Variants in TIAM1 observed in about 807,000 individuals in gnomAD.
TIAM1 encodes rho guanine nucleotide exchange factor TIAM1.
In TIAM1, 65 loss-of-function variants were observed where a neutral mutation model predicts 163.5. The ratio of observed to expected loss-of-function variants is 0.40; its 90% CI spans 0.33 to 0.49. The LOEUF (loss-of-function observed/expected upper bound fraction) is 0.49. TIAM1 is among the 20% of genes least tolerant of loss of function. The probability of loss-of-function intolerance (pLI) is 0.77; values close to 1 mark genes in which losing one functional copy is unlikely to be tolerated. For synonymous variants in TIAM1, 833 were observed against 810.1 expected, an observed-to-expected ratio of 1.03 and a Z score of -0.48; for missense variants, 1,789 against 2,044.7, an observed-to-expected ratio of 0.87 and a Z score of 2.41.
intron 12 of TIAM1, among the ~76,000 whole-genome samples, chr21:31,198,091 G>A (rs567634912): frequency 6.6e-6 from 1 of 152,286 alleles, no homozygotes; most frequent in South Asian, 2.1e-4. Flanking sequence ...AACCAATTTT[G>A]AGCCAAGGTC....
chr21:31,316,375 G>C (rs570028507), intron 2 of TIAM1, among the ~76,000 whole-genome samples: 1 of 152,290 alleles, frequency 6.6e-6, no homozygotes, highest in Admixed American at 6.5e-5. Context: ...TATACCGATT[G>C]AGACAATGGT....
chr21:31,406,718 AG>A, intron 2 of TIAM1, among the ~76,000 whole-genome samples: 1 of 152,198 alleles, frequency 6.6e-6, no homozygotes, highest in Non-Finnish European at 1.5e-5. Flanking sequence ...CCCTGTAGGT[AG>A]AACTTACGAG....
At chr21:31,174,025 C>T (rs1329181715) in intron 15 of TIAM1, among the ~76,000 whole-genome samples, 8 of 152,170 alleles carry the variant, frequency 5.3e-5, no homozygotes, top group South Asian at 2.1e-4. Context: ...CAAATGTTAT[C>T]GACAAACAAA....
At chr21:31,427,215 A>T (rs550822928) in intron 2 of TIAM1, among the ~76,000 whole-genome samples, 2 of 152,230 alleles carry the variant, frequency 1.3e-5, no homozygotes, top group African/African-American at 4.8e-5. Flanking sequence ...GACCGGGCAC[A>T]GTGGCTCACA....
chr21:31,245,428 G>C (rs1301864122), intron 6 of TIAM1, 60 bp downstream of exon 6: 8 of 843,538 alleles, frequency 9.5e-6, no homozygotes, highest in Non-Finnish European at 1.3e-5. Context: ...GCCTAGGCAA[G>C]AAAAGAAGGT....
chr21:31,443,108 G>GT (rs2044495494), intron 2 of TIAM1, among the ~76,000 whole-genome samples: 1 of 152,216 alleles, frequency 6.6e-6, no homozygotes, highest in African/African-American at 2.4e-5. Flanking sequence ...GGACTGTGGA[G>GT]TTTCATTTTA....
chr21:31,120,346 C>A lies in TIAM1; in HGVS notation c.*22G>T. 1 of 1,579,464 alleles carries A rather than the reference C, an allele frequency of 6.3e-7. No individual in the cohort carries two copies. Among genetic ancestry groups the A allele is most frequent in the Non-Finnish European group, 8.6e-7 (1 of 1,161,782 alleles). ...AGGGCAGGAAGTATCTACACACATT[C>A]TCTACGGGGCAGGTGACGCAGTCAG... On this transcript the variant is annotated 3_prime_UTR_variant, in exon 28 of 28. Coordinates refer to ENST00000541036, the MANE Select transcript of TIAM1 (RefSeq NM_001353694.2). This position sits in a 1 kb window ranked among gnomAD's most constrained non-coding sequence, Gnocchi z 4.2.
At chr21:31,185,563 A>T (rs1197770787) in intron 14 of TIAM1, among the ~76,000 whole-genome samples, 1 of 131,038 alleles carries the variant, frequency 7.6e-6, no homozygotes, top group Non-Finnish European at 1.5e-5. Flanking sequence ...ATATTAATAT[A>T]ATATATTATA....
At chr21:31,218,568 C>CAAA (rs112539898) in intron 8 of TIAM1, among the ~76,000 whole-genome samples, 3 of 138,928 alleles carry the variant, frequency 2.2e-5, no homozygotes, top group African/African-American at 7.7e-5. Context: ...GACTCTTTCT[C>CAAA]AAAAAAAAAA....
intron 1 of TIAM1, among the ~76,000 whole-genome samples, chr21:31,494,958 C>G (rs1411568518): frequency 6.6e-6 from 1 of 152,148 alleles, no homozygotes; most frequent in African/African-American, 2.4e-5. Context: ...CAAGGATGTC[C>G]TCATTCTTCA....
intron 13 of TIAM1, among the ~76,000 whole-genome samples, chr21:31,194,842 T>C (rs769060417): frequency 2.6e-5 from 4 of 152,242 alleles, no homozygotes; most frequent in African/African-American, 4.8e-5. Context: ...ATCACTGTTC[T>C]GCCACTGCCC....
rs5030999 is a variant in TIAM1 at position 31,256,588 on chromosome 21, T to TACACACACACACACACACACACAC, written c.964-4423_964-4400dup. ...CCCCAAAATATTAAGTACCCCTCAC[T>TACACACACACACACACACACACAC]ACACACACACACACACACACACACA... On this transcript the variant is annotated intron_variant, in intron 4 of 27. Coordinates refer to ENST00000541036, the MANE Select transcript of TIAM1 (RefSeq NM_001353694.2). 4.7e-5 allele frequency among the ~76,000 whole-genome samples: 6 copies of TACACACACACACACACACACACAC among 128,162 alleles called. 1 individual carries two copies. Among genetic ancestry groups the TACACACACACACACACACACACAC allele is most frequent in the African/African-American group, 1.2e-4 (4 of 33,908 alleles). The allele number at this position is 128,162 out of a possible 152,430, so 84.1% of individuals were successfully genotyped here.
chr21:31,220,608 A>G (rs1157045297), intron 8 of TIAM1, among the ~76,000 whole-genome samples: 1 of 152,262 alleles, frequency 6.6e-6, no homozygotes, highest in Non-Finnish European at 1.5e-5. Flanking sequence ...TCAGCTGACT[A>G]GTTAGTTTAG....
In TIAM1 at chr21:31,222,698, TA is replaced by T. The variant is rs1569056331; in HGVS notation, c.1995+707del. On this transcript the variant is annotated intron_variant, in intron 8 of 27. Coordinates refer to ENST00000541036, the MANE Select transcript of TIAM1 (RefSeq NM_001353694.2). ...ATACATATATATATATATATATATA[TA>T]TATATATATTTTTTTTTTTTTTTTT... 3.1e-3 allele frequency among the ~76,000 whole-genome samples: 127 copies of T among 41,460 alleles called. 1 individual carries two copies. Among genetic ancestry groups the T allele is most frequent in the African/African-American group, 8.3e-3 (57 of 6,860 alleles). 27.2% of individuals were successfully genotyped at this position (41,460 alleles called of 152,430 possible).
chr21:31,245,827 C>A lies in TIAM1; in HGVS notation c.1412-167G>T, dbSNP rs193037504. ...GGCTTGGACTCAAGTCTTGGATGGG[C>A]CTAAAGAAGGACAAAGATCTTAAAT... On this transcript the variant is annotated intron_variant, in intron 5 of 27. Coordinates refer to ENST00000541036, the MANE Select transcript of TIAM1 (RefSeq NM_001353694.2). 2.1e-4 allele frequency among the ~76,000 whole-genome samples: 32 copies of A among 152,226 alleles called. No individual in the cohort carries two copies. The East Asian group carries it at 5.8e-3, about 28-fold the overall frequency.
intron 3 of TIAM1, among the ~76,000 whole-genome samples, chr21:31,270,288 ACAT>A (rs1301766476): frequency 1.3e-5 from 2 of 152,206 alleles, no homozygotes; most frequent in African/African-American, 4.8e-5. Context: ...CACCTCACTA[ACAT>A]CATCACACAG....
intron 1 of TIAM1, among the ~76,000 whole-genome samples, chr21:31,490,349 G>C (rs1404653505): frequency 6.6e-6 from 1 of 152,154 alleles, no homozygotes; most frequent in Non-Finnish European, 1.5e-5. Context: ...CAAAAATGCA[G>C]AGATTCAAAA....
intron 2 of TIAM1, among the ~76,000 whole-genome samples, chr21:31,355,622 G>A (rs1189031468): frequency 6.6e-6 from 1 of 151,826 alleles, no homozygotes; most frequent in Non-Finnish European, 1.5e-5. Context: ...TGTGATCTCG[G>A]CTCACTGCAA....
chr21:31,152,021 C>CTTTTT (rs754817467), intron 19 of TIAM1, among the ~76,000 whole-genome samples: 1 of 112,306 alleles, frequency 8.9e-6, no homozygotes, highest in Non-Finnish European at 1.7e-5. Flanking sequence ...CCAGAAGTGC[C>CTTTTT]TTTTTTTTTT....
Sources: allele counts gnomAD v4.1 joint callset (sites outside exome capture counted in the v4.1 genomes callset), GRCh38; gene constraint gnomAD v4.1.1; non-coding constraint Gnocchi (gnomAD v3.1); transcripts MANE v1.5; gene names NCBI Gene and HGNC (gene_info 2026-07-23, HGNC 2026-07-21).